Variants in ACAA1 observed in about 807,000 individuals in gnomAD.
ACAA1 encodes 3-ketoacyl-CoA thiolase, peroxisomal.
In ACAA1, 44 loss-of-function variants were observed where a neutral mutation model predicts 48.8. The observed-to-expected ratio is 0.90, with a 90% CI of 0.71 to 1.16. The LOEUF (loss-of-function observed/expected upper bound fraction) is 1.16. Ranked by LOEUF, ACAA1 falls within the 50% of genes most tolerant of loss-of-function variation. The probability of loss-of-function intolerance (pLI) is 0.00; values close to 1 mark genes in which losing one functional copy is unlikely to be tolerated. For synonymous variants in ACAA1, 233 were observed against 226.5 expected, an observed-to-expected ratio of 1.03 and a Z score of -0.26; for missense variants, 512 against 562.3, an observed-to-expected ratio of 0.91 and a Z score of 0.90.
At chr3:38,123,184 C>A (rs1437004342) in intron 11 of ACAA1, 62 bp from the exon 12 acceptor site, 15 of 1,529,220 alleles carry the variant, frequency 9.8e-6, no homozygotes, top group African/African-American at 1.4e-5. Flanking sequence ...CCAGACCAGG[C>A]TGACCCAGAA....
chr3:38,133,292 G>A (rs191011198), intron 3 of ACAA1, among the ~76,000 whole-genome samples: 294 of 152,230 alleles, frequency 1.9e-3, no homozygotes, highest in Middle Eastern at 6.8e-3. Flanking sequence ...AGGAGATGAG[G>A]CTGGAAGGTA....
chr3:38,128,959 A>G (rs1700733646), intron 6 of ACAA1, among the ~76,000 whole-genome samples: 1 of 152,154 alleles, frequency 6.6e-6, no homozygotes, highest in Non-Finnish European at 1.5e-5. Flanking sequence ...TTCTGTCGTC[A>G]CAAGCTTCCC....
At position 38,131,581 on chromosome 3, in the gene ACAA1, G is replaced by C. The variant is rs1559478344; in HGVS notation, c.446+15C>G. Reference sequence around the variant, plus strand: ...ACAAGTTGGTTAATAAGCTCCGGCAGAAAAAAATTCTTACCCACAGGCCAT... The same window carrying C: ...ACAAGTTGGTTAATAAGCTCCGGCACAAAAAAATTCTTACCCACAGGCCAT... On this transcript the variant is annotated intron_variant, in intron 5 of 11. Coordinates refer to ENST00000333167, the MANE Select transcript of ACAA1 (RefSeq NM_001607.4). The C allele has an allele frequency of 6.2e-7, 1 of 1,613,884 alleles. No individual in the cohort carries two copies. The highest frequency in any genetic ancestry group is 8.5e-7 in the Non-Finnish European group (1 of 1,179,798).
chr3:38,125,098 A>G (rs952170419), intron 11 of ACAA1: 2 of 152,700 alleles, frequency 1.3e-5, no homozygotes, highest in African/African-American at 2.4e-5. Flanking sequence ...AATAAAGACA[A>G]TAACAAGGTA....
Position 38,129,683 on chromosome 3 carries a change from G to A in ACAA1, c.447-295C>T, listed in dbSNP as rs1196914528. On this transcript the variant is annotated intron_variant, in intron 5 of 11. Transcript: ENST00000333167. This position sits in a 1 kb window ranked among gnomAD's most constrained non-coding sequence, Gnocchi z 5.3. ...AAATCAGCCAACTGGCAATTCCAGA[G>A]AAAAGCCTTCTGCTGTCAGCCACAG... Among the ~76,000 whole-genome samples, 1 of 152,238 alleles carries A rather than the reference G, an allele frequency of 6.6e-6. No homozygotes were observed. Among genetic ancestry groups the A allele is most frequent in the Non-Finnish European group, 1.5e-5 (1 of 68,042 alleles).
At chr3:38,136,813 C>A in intron 1 of ACAA1, 52 bp downstream of exon 1, 1 of 1,486,974 alleles carries the variant, frequency 6.7e-7, no homozygotes. Flanking sequence ...AACCGGACCC[C>A]AGCCCGCGCC....
intron 11 of ACAA1, chr3:38,124,659 C>A (rs1700637477): frequency 6.6e-6 from 1 of 152,276 alleles, no homozygotes. Flanking sequence ...ACCAAAGAAC[C>A]AAGATCTTGA....
chr3:38,126,273 A>G lies in ACAA1; in HGVS notation c.886T>C (p.Leu296=). The G allele has an allele frequency of 1.2e-6, 2 of 1,613,896 alleles. No homozygotes were observed. The highest frequency in any genetic ancestry group is 1.7e-6 in the Non-Finnish European group (2 of 1,179,966). ...AGGACCCCAAGGATGGGAAGGCCCA[A>G]CTCTTCTGCCTTGGACCTCCGGGCC... ...LLARRSKAEE[L]GLPILGVLRS... Residue 296 remains leucine (L), a synonymous_variant, in exon 9 of 12, where the codon TTG becomes CTG. Coordinates refer to ENST00000333167, the MANE Select transcript of ACAA1 (RefSeq NM_001607.4). This position sits in a 1 kb window ranked among gnomAD's most constrained non-coding sequence, Gnocchi z 4.7.
chr3:38,125,402 T>C (rs757122719), intron 11 of ACAA1, 163 bp downstream of exon 11: 24 of 839,746 alleles, frequency 2.9e-5, no homozygotes, highest in Non-Finnish European at 3.8e-5. Flanking sequence ...GCCAAGACCT[T>C]AGGGACTTTG....
At chr3:38,135,563 G>C (rs1483722956) in intron 2 of ACAA1, among the ~76,000 whole-genome samples, 1 of 152,154 alleles carries the variant, frequency 6.6e-6, no homozygotes, top group Non-Finnish European at 1.5e-5. Context: ...GTGCCTGGAT[G>C]TGCACATAGG....
chr3:38,135,655 TA>T (rs1173700820), intron 2 of ACAA1, among the ~76,000 whole-genome samples: 1 of 152,114 alleles, frequency 6.6e-6, no homozygotes, highest in Non-Finnish European at 1.5e-5. Context: ...CCTGCAGCCA[TA>T]AGGCGGTTTT....
chr3:38,136,744 C>A (rs1700906820), intron 1 of ACAA1, 59 bp from the exon 2 acceptor site: 4 of 1,523,216 alleles, frequency 2.6e-6, no homozygotes, highest in African/African-American at 1.4e-5. Context: ...CCCAGGGAGA[C>A]AAAGCGACCA....
chr3:38,128,793 G>A (rs913369422), intron 6 of ACAA1, among the ~76,000 whole-genome samples: 9 of 152,092 alleles, frequency 5.9e-5, no homozygotes, highest in Admixed American at 4.6e-4. Flanking sequence ...GGGTTTCACT[G>A]TGTTAGCCAG....
chr3:38,136,580 T>C lies in ACAA1; in HGVS notation c.265+12A>G. 1 of 1,613,694 alleles carries C rather than the reference T, an allele frequency of 6.2e-7. No individual in the cohort carries two copies. Among genetic ancestry groups the C allele is most frequent in the Non-Finnish European group, 8.5e-7 (1 of 1,179,896 alleles). On this transcript the variant is annotated intron_variant, in intron 2 of 11. Transcript: ENST00000333167. The stretch of plus-strand genomic sequence containing the variant: ...GGGAAGGCCCAGCGCAGGGCCTGAG[T>C]GGTTCGCTCACCGACACAGATGTCC...
At chr3:38,135,331 G>A (rs1158899582) in intron 2 of ACAA1, 2 of 152,188 alleles carry the variant, frequency 1.3e-5, no homozygotes, top group Non-Finnish European at 1.5e-5. Context: ...AAGTATAGAG[G>A]AAGAAAAGTG....
Position 38,126,733 on chromosome 3 carries a change from C to A in ACAA1, c.627-33G>T, listed in dbSNP as rs755543220. 1.2e-6 allele frequency: 2 copies of A among 1,611,092 alleles called. No homozygotes were observed. Among genetic ancestry groups the A allele is most frequent in the African/African-American group, 2.7e-5 (2 of 74,868 alleles). ...CACCATGGACAGCCAGCTTCAGACTCCCTTGGGGTTCCCTTCCTCCCTGCC... is the reference window on the plus strand; with the variant it reads ...CACCATGGACAGCCAGCTTCAGACTACCTTGGGGTTCCCTTCCTCCCTGCC... On this transcript the variant is annotated intron_variant, in intron 7 of 11. Coordinates refer to ENST00000333167, the MANE Select transcript of ACAA1 (RefSeq NM_001607.4). The surrounding 1 kb of genome is among the most constrained non-coding windows in gnomAD (Gnocchi z 4.7).
At position 38,126,186 on chromosome 3, in the gene ACAA1, T is replaced by A; in HGVS notation, c.973A>T (p.Ile325Phe). The A allele has an allele frequency of 6.2e-7, 1 of 1,614,004 alleles. No individual in the cohort carries two copies. Among genetic ancestry groups the A allele is most frequent in the Non-Finnish European group, 8.5e-7 (1 of 1,179,946 alleles). Reference sequence around the variant, plus strand: ...CCTGCTTTTTGCAAAGCTACTGGGATGGCATAGGCAGGTCCAATGCCCATG... The same window carrying A: ...CCTGCTTTTTGCAAAGCTACTGGGAAGGCATAGGCAGGTCCAATGCCCATG... ...DIMGIGPAYA[I>F]PVALQKAGLT... The change falls in exon 9 of 12, where the codon ATC (isoleucine) becomes TTC (phenylalanine). Residue 325 changes from isoleucine to phenylalanine, a missense_variant. Ile to Phe is a conservative substitution (Grantham distance 21). Transcript: ENST00000333167. The surrounding 1 kb of genome is among the most constrained non-coding windows in gnomAD (Gnocchi z 4.7).
At chr3:38,123,709 T>C (rs1350232548) in intron 11 of ACAA1, 1 of 152,304 alleles carries the variant, frequency 6.6e-6, no homozygotes, top group Non-Finnish European at 1.5e-5. Flanking sequence ...TTAAAAGATA[T>C]TTACATTTTT....
Position 38,126,236 on chromosome 3 carries a change from G to A in ACAA1, c.923C>T (p.Ala308Val). ...LPILGVLRSY[A>V]VVGVPPDIMG... ...GATGTCAGGTGGGACCCCAACCACT[G>A]CATAAGACCTCAGGACCCCAAGGAT... Residue 308 changes from alanine (A) to valine (V), a missense_variant, in exon 9 of 12, where the codon GCA becomes GTA. Transcript: ENST00000333167. This position sits in a 1 kb window ranked among gnomAD's most constrained non-coding sequence, Gnocchi z 4.7. 6.2e-7 allele frequency: 1 copy of A among 1,614,152 alleles called. No individual in the cohort carries two copies. The highest frequency in any genetic ancestry group is 2.2e-5 in the East Asian group (1 of 44,882).
Sources: gnomAD v4.1 joint callset for allele counts (sites outside exome capture counted in the v4.1 genomes callset) on GRCh38, gnomAD v4.1.1 for gene constraint, Gnocchi (gnomAD v3.1) non-coding constraint, MANE v1.5 for transcripts, NCBI Gene and HGNC (gene_info 2026-07-23, HGNC 2026-07-21) for gene names.